UGT2B7: variants seen among roughly 807,000 people sequenced by gnomAD.
UGT2B7 encodes UDP-glucuronosyltransferase 2B7.
In UGT2B7, 51 loss-of-function variants were observed where a neutral mutation model predicts 51.9. The ratio of observed to expected loss-of-function variants is 0.98; its 90% CI spans 0.78 to 1.24. The LOEUF is 1.24. UGT2B7 is among the 50% of genes most tolerant of loss of function. UGT2B7 has a pLI of 0.00. For missense variants in UGT2B7, 727 were observed against 628.4 expected, an observed-to-expected ratio of 1.16 and a Z score of -1.68; for synonymous variants, 225 against 211.6, an observed-to-expected ratio of 1.06 and a Z score of -0.55.
intron 1 of UGT2B7, among the ~76,000 whole-genome samples, chr4:69,084,747 T>C (rs1212979768): frequency 6.6e-6 from 1 of 152,182 alleles, no homozygotes; most frequent in African/African-American, 2.4e-5. Flanking sequence ...GTTAGTTTGC[T>C]GAGAATGATG....
intron 1 of UGT2B7, among the ~76,000 whole-genome samples, chr4:69,071,224 G>T (rs187804222): frequency 8.6e-4 from 131 of 152,122 alleles, no homozygotes; most frequent in African/African-American, 2.9e-3. Context: ...CTTGAAATAT[G>T]ATCTCACCTT....
intron 1 of UGT2B7, among the ~76,000 whole-genome samples, chr4:69,077,142 A>G (rs929502497): frequency 1.3e-5 from 2 of 151,760 alleles, no homozygotes; most frequent in African/African-American, 4.8e-5. Flanking sequence ...TGGTCTATAT[A>G]TCTGTTTTGG....
At chr4:69,102,606 A>G (rs934833600) in intron 2 of UGT2B7, among the ~76,000 whole-genome samples, 1 of 152,146 alleles carries the variant, frequency 6.6e-6, no homozygotes. Flanking sequence ...TTACACAAAT[A>G]TCCTTAACAG....
intron 1 of UGT2B7, among the ~76,000 whole-genome samples, chr4:69,080,928 A>C (rs1171367569): frequency 6.6e-6 from 1 of 152,134 alleles, no homozygotes; most frequent in Non-Finnish European, 1.5e-5. Flanking sequence ...AAGTGCTGTA[A>C]ATTGTGCATT....
At chr4:69,088,360 T>A (rs1719007571) in intron 1 of UGT2B7, among the ~76,000 whole-genome samples, 2 of 151,816 alleles carry the variant, frequency 1.3e-5, no homozygotes, top group Non-Finnish European at 2.9e-5. Context: ...TTTTTTCAAC[T>A]CTCTATTCAT....
chr4:69,098,516 C>A, intron 1 of UGT2B7, 24 bp from the exon 2 acceptor site: 1 of 1,474,866 alleles, frequency 6.8e-7, no homozygotes, highest in Non-Finnish European at 9.1e-7. Flanking sequence ...TGTCATCCAC[C>A]TTTTTTTTTT....
At chr4:69,097,355 A>G in intron 1 of UGT2B7, 114 bp downstream of exon 1, 2 of 1,265,064 alleles carry the variant, frequency 1.6e-6, no homozygotes, top group Non-Finnish European at 1.1e-6. Context: ...GTGAATTTAT[A>G]AAACAAAAAT....
intron 1 of UGT2B7, among the ~76,000 whole-genome samples, chr4:69,062,174 T>C (rs2109863257): frequency 6.6e-6 from 1 of 152,250 alleles, no homozygotes; most frequent in East Asian, 1.9e-4. Context: ...GTCAGGAAAC[T>C]CATCTGAGGT....
rs147939345 is a variant in UGT2B7, at chr4:69,089,890, C to G, written c.-27+287C>G. ...ATTTTGAGATTTTAAATCTTAAGTC[C>G]TGTGCTGACTACTCAAAAACAACAA... On this transcript the variant is annotated intron_variant, in intron 2 of 5. Transcript: ENST00000502942. Among the ~76,000 whole-genome samples the G allele has an allele frequency of 2.9e-3, 440 of 152,162 alleles. 3 individuals carry two copies. Among genetic ancestry groups the G allele is most frequent in the African/African-American group, 0.01 (416 of 41,520 alleles).
intron 1 of UGT2B7, among the ~76,000 whole-genome samples, chr4:69,087,974 C>T (rs1718999833): frequency 6.6e-6 from 1 of 151,968 alleles, no homozygotes; most frequent in Admixed American, 6.6e-5. Context: ...TGTCATCTTT[C>T]TCTAGATTTA....
At chr4:69,052,204 C>A (rs1007220664) in intron 1 of UGT2B7, among the ~76,000 whole-genome samples, 1 of 151,950 alleles carries the variant, frequency 6.6e-6, no homozygotes, top group Non-Finnish European at 1.5e-5. Flanking sequence ...CACAAAGTAA[C>A]CTGTAAACCA....
intron 5 of UGT2B7, among the ~76,000 whole-genome samples, chr4:69,110,446 T>A (rs1242051866): frequency 7.0e-6 from 1 of 142,982 alleles, no homozygotes; most frequent in Admixed American, 7.3e-5. Flanking sequence ...AACAGATATG[T>A]ATAAATAAAT....
chr4:69,099,096 G>A (rs1719342465), intron 2 of UGT2B7, among the ~76,000 whole-genome samples: 1 of 151,832 alleles, frequency 6.6e-6, no homozygotes, highest in Non-Finnish European at 1.5e-5. Flanking sequence ...TAGAATATGT[G>A]CAAGTAATAA....
chr4:69,062,230 C>A (rs575886731), intron 1 of UGT2B7, among the ~76,000 whole-genome samples: 1 of 152,218 alleles, frequency 6.6e-6, no homozygotes, highest in East Asian at 1.9e-4. Flanking sequence ...AGGTGCACCC[C>A]CACAAAACAA....
chr4:69,088,646 A>T (rs1025493181), intron 1 of UGT2B7, among the ~76,000 whole-genome samples: 7 of 152,144 alleles, frequency 4.6e-5, no homozygotes, highest in Admixed American at 2.0e-4. Context: ...CTGCAGTGTT[A>T]TGGAACTGGT....
At chr4:69,094,352 G>T (rs1341951554), upstream of UGT2B7, among the ~76,000 whole-genome samples, 6 of 34,746 alleles carry the variant, frequency 1.7e-4, 3 homozygotes, top group African/African-American at 1.3e-3. Flanking sequence ...GTTTCACCGT[G>T]TTAGCCAGGA....
At chr4:69,102,133 A>G (rs1425841571) in intron 2 of UGT2B7, among the ~76,000 whole-genome samples, 1 of 152,224 alleles carries the variant, frequency 6.6e-6, no homozygotes, top group Non-Finnish European at 1.5e-5. Flanking sequence ...TAGAAATTCC[A>G]AATTACATTA....
chr4:69,084,107 AT>A (rs1718896115), intron 1 of UGT2B7, among the ~76,000 whole-genome samples: 1 of 152,090 alleles, frequency 6.6e-6, no homozygotes, highest in South Asian at 2.1e-4. Flanking sequence ...ATTTTATCAA[AT>A]GCTTTTTGTG....
chr4:69,059,785 C>T (rs1291406084), intron 1 of UGT2B7, among the ~76,000 whole-genome samples: 1 of 152,248 alleles, frequency 6.6e-6, no homozygotes, highest in Non-Finnish European at 1.5e-5. Context: ...CGGAAGCCGT[C>T]TGGTGAATAT....
Sources: allele counts gnomAD v4.1 joint callset (sites outside exome capture counted in the v4.1 genomes callset), GRCh38; gene constraint gnomAD v4.1.1; transcripts MANE v1.5; gene names NCBI Gene and HGNC (gene_info 2026-07-23, HGNC 2026-07-21).